Variants in UBAC2 observed in about 807,000 individuals in gnomAD.
UBAC2 encodes ubiquitin-associated domain-containing protein 2.
Under a neutral mutation model 44.0 loss-of-function variants are expected in UBAC2, and 26 were observed. The observed-to-expected ratio is 0.59, with a 90% CI of 0.43 to 0.82. The LOEUF is 0.82. Among genes scored for constraint, UBAC2 ranks in the 40% least tolerant of loss-of-function variants. The pLI, the probability that UBAC2 is intolerant of heterozygous loss-of-function variation, is 0.00. For missense variants in UBAC2, 329 were observed against 419.4 expected (o/e 0.78, Z 1.88); for synonymous variants, 155 against 154.3 (o/e 1.00, Z -0.04).
chr13:99,299,166 A>T (rs966275100), intron 4 of UBAC2, among the ~76,000 whole-genome samples: 6 of 152,210 alleles, frequency 3.9e-5, no homozygotes, highest in Non-Finnish European at 5.9e-5. Context: ...CTGCATCACC[A>T]AATAAGATGC....
chr13:99,237,267 T>TACACACACACACACACAC (rs560517982), intron 1 of UBAC2, among the ~76,000 whole-genome samples: 146 of 118,748 alleles, frequency 1.2e-3, no homozygotes, highest in Non-Finnish European at 2.2e-3. Context: ...TATATATATA[T>TACACACACACACACACAC]ATATACACAC....
intron 8 of UBAC2, among the ~76,000 whole-genome samples, chr13:99,380,811 T>G (rs2045541094): frequency 6.6e-6 from 1 of 152,214 alleles, no homozygotes; most frequent in Admixed American, 6.5e-5. Flanking sequence ...AGCAATAGTT[T>G]TTAATCTGGT....
chr13:99,287,643 C>CTTTTTTTTTTTTTTTTTTTTTTTTTCT (rs11304203), intron 4 of UBAC2, among the ~76,000 whole-genome samples: 2 of 95,150 alleles, frequency 2.1e-5, no homozygotes, highest in Non-Finnish European at 2.0e-5. Context: ...TTTTTTCTTT[C>CTTTTTTTTTTTTTTTTTTTTTTTTTCT]TTTTTTTTTT....
At chr13:99,339,022 C>G (rs549304167) in intron 6 of UBAC2, among the ~76,000 whole-genome samples, 8 of 152,108 alleles carry the variant, frequency 5.3e-5, no homozygotes, top group Non-Finnish European at 1.0e-4. Flanking sequence ...TCCTCCCCCC[C>G]ATTTTATCTC....
At chr13:99,380,013 G>A (rs984759649) in intron 8 of UBAC2, among the ~76,000 whole-genome samples, 1 of 152,186 alleles carries the variant, frequency 6.6e-6, no homozygotes, top group African/African-American at 2.4e-5. Flanking sequence ...GGGGAGTCGG[G>A]GCATGTGCAG....
Position 99,255,030 on chromosome 13 carries a change from C to T in UBAC2, c.389+10406C>T. 1.9e-6 allele frequency: 3 copies of T among 1,614,124 alleles called. 1 individual carries two copies. The highest frequency in any genetic ancestry group is 4.5e-5 in the East Asian group (2 of 44,884). On this transcript the variant is annotated intron_variant, in intron 4 of 8. Coordinates refer to ENST00000403766, the MANE Select transcript of UBAC2 (RefSeq NM_001144072.2). ...AAACGATGTAGTAGAGAATCACATC[C>T]AGACACGTGCTGAGGTTCATGAGGA...
chr13:99,317,084 T>C (rs2044502342), intron 5 of UBAC2, among the ~76,000 whole-genome samples: 1 of 152,234 alleles, frequency 6.6e-6, no homozygotes, highest in South Asian at 2.1e-4. Flanking sequence ...AGCCTATCAC[T>C]AGAGCAAAGC....
chr13:99,298,023 C>T (rs897751505), intron 4 of UBAC2, among the ~76,000 whole-genome samples: 3 of 151,996 alleles, frequency 2.0e-5, no homozygotes, highest in African/African-American at 7.2e-5. Context: ...TTAAAAAGAA[C>T]AGTCTACAAA....
intron 1 of UBAC2, among the ~76,000 whole-genome samples, chr13:99,229,157 G>C (rs140108355): frequency 1.3e-5 from 2 of 152,322 alleles, no homozygotes; most frequent in Non-Finnish European, 2.9e-5. Context: ...TTGTGGTTGG[G>C]ATAGCAAAAC....
intron 1 of UBAC2, among the ~76,000 whole-genome samples, chr13:99,219,097 A>T (rs2043027679): frequency 6.6e-6 from 1 of 152,218 alleles, no homozygotes; most frequent in Non-Finnish European, 1.5e-5. Flanking sequence ...GTAGTCAGAC[A>T]TAGGAAAACC....
chr13:99,325,294 G>A (rs763567971), intron 6 of UBAC2, among the ~76,000 whole-genome samples: 9 of 151,784 alleles, frequency 5.9e-5, no homozygotes, highest in East Asian at 1.9e-4. Flanking sequence ...TTGTAGAGAC[G>A]GGGTTTCACC....
intron 1 of UBAC2, among the ~76,000 whole-genome samples, chr13:99,237,248 T>C (rs1417706607): frequency 8.0e-6 from 1 of 124,962 alleles, no homozygotes; most frequent in Non-Finnish European, 1.7e-5. Flanking sequence ...AAAGAAAATT[T>C]TATGCGTATA....
At chr13:99,286,155 ATC>A (rs1312457979) in intron 4 of UBAC2, among the ~76,000 whole-genome samples, 1 of 152,192 alleles carries the variant, frequency 6.6e-6, no homozygotes, top group East Asian at 1.9e-4. Flanking sequence ...TGTGTACTAA[ATC>A]TGCTGCCCAA....
intron 4 of UBAC2, among the ~76,000 whole-genome samples, chr13:99,259,015 G>C (rs569906774): frequency 7.4e-4 from 113 of 152,260 alleles, no homozygotes; most frequent in African/African-American, 2.6e-3. Context: ...TGGAAGTCTA[G>C]AAATAATTTC....
At chr13:99,298,487 A>G (rs1251648026) in intron 4 of UBAC2, among the ~76,000 whole-genome samples, 1 of 152,218 alleles carries the variant, frequency 6.6e-6, no homozygotes, top group Non-Finnish European at 1.5e-5. Context: ...TGGGATGCAG[A>G]TAAGGCAATC....
At chr13:99,212,757 G>A (rs1228448950) in intron 1 of UBAC2, among the ~76,000 whole-genome samples, 6 of 151,894 alleles carry the variant, frequency 4.0e-5, no homozygotes, top group Non-Finnish European at 8.8e-5. Flanking sequence ...TCCTTTATGT[G>A]TGCATATAAA....
intron 1 of UBAC2, among the ~76,000 whole-genome samples, chr13:99,227,567 G>A (rs182217482): frequency 3.3e-5 from 5 of 152,306 alleles, no homozygotes; most frequent in African/African-American, 1.2e-4. Context: ...GGGAAGAGAC[G>A]GGAAATATGT....
At chr13:99,367,676 A>T in intron 7 of UBAC2, 111 bp from the exon 8 acceptor site, 2 of 1,433,532 alleles carry the variant, frequency 1.4e-6, no homozygotes, top group Non-Finnish European at 1.9e-6. Context: ...GATCAATATG[A>T]TACTTCCTTC....
At chr13:99,216,082 T>TTGTGTGTGTGTGTGTGTGTG (rs3031384) in intron 1 of UBAC2, among the ~76,000 whole-genome samples, 1 of 148,740 alleles carries the variant, frequency 6.7e-6, no homozygotes, top group Non-Finnish European at 1.5e-5. Flanking sequence ...CAACCTATAT[T>TTGTGTGTGTGTGTGTGTGTG]TGTGTGTGTG....
Sources: allele counts gnomAD v4.1 joint callset (sites outside exome capture counted in the v4.1 genomes callset), GRCh38; gene constraint gnomAD v4.1.1; transcripts MANE v1.5; gene names NCBI Gene and HGNC (gene_info 2026-07-23, HGNC 2026-07-21).